GARNL3: variants seen among roughly 807,000 people sequenced by gnomAD.
The protein encoded by GARNL3 is GTPase-activating Rap/Ran-GAP domain-like protein 3.
Under a neutral mutation model 125.0 loss-of-function variants are expected in GARNL3, and 63 were observed. That is an observed-to-expected ratio of 0.50 (90% CI 0.41 to 0.62). The LOEUF (loss-of-function observed/expected upper bound fraction) is 0.62, where lower values mean the gene tolerates loss of function less well. Ranked by LOEUF, GARNL3 falls within the 20% of genes least tolerant of loss-of-function variation. The pLI is 0.00. For missense variants in GARNL3, 994 were observed against 1,244.0 expected (o/e 0.80, Z 3.02); for synonymous variants, 439 against 457.5 (o/e 0.96, Z 0.52).
chr9:127,330,215 G>A (rs550639425), intron 7 of GARNL3, among the ~76,000 whole-genome samples: 2 of 152,358 alleles, frequency 1.3e-5, no homozygotes, highest in African/African-American at 4.8e-5. Flanking sequence ...ATTATTCTAA[G>A]AGGATCATAT....
At chr9:127,352,513 A>G (rs1421053320) in intron 17 of GARNL3, among the ~76,000 whole-genome samples, 1 of 152,226 alleles carries the variant, frequency 6.6e-6, no homozygotes, top group Admixed American at 6.5e-5. Flanking sequence ...GCGGAAGTAC[A>G]AAGACCCTGA....
chr9:127,225,826 C>G (rs1388684831), intron 1 of GARNL3, among the ~76,000 whole-genome samples: 4 of 151,144 alleles, frequency 2.6e-5, no homozygotes, highest in Non-Finnish European at 5.9e-5. Flanking sequence ...GCGCCCCTTG[C>G]GCCCCTCGCG....
Position 127,391,552 on chromosome 9 carries a change from A to ATATATATATATG in GARNL3, c.2870+785_2870+786insTATATATATATG, listed in dbSNP as rs1292380673. 1.3e-4 allele frequency among the ~76,000 whole-genome samples: 17 copies of ATATATATATATG among 129,008 alleles called. 1 individual carries two copies. Among genetic ancestry groups the ATATATATATATG allele is most frequent in the African/African-American group, 4.9e-4 (17 of 34,976 alleles). The allele number at this position is 129,008 out of a possible 152,430, so 84.6% of individuals were successfully genotyped here. A position where few individuals can be genotyped will look rare whatever the true frequency, so the allele number is the denominator to read the frequency against. On this transcript the variant is annotated intron_variant, in intron 27 of 27. Coordinates refer to ENST00000373387, the MANE Select transcript of GARNL3 (RefSeq NM_032293.5). ...AAAAAAAATATATATATATATATAT[A>ATATATATATATG]GGCTGGGTCTGGTGGCATGAGCCTG...
chr9:127,312,075 T>C (rs2065113016), intron 3 of GARNL3, among the ~76,000 whole-genome samples: 1 of 152,210 alleles, frequency 6.6e-6, no homozygotes, highest in Non-Finnish European at 1.5e-5. Context: ...CCTGTCTATA[T>C]TGGGTTTTGA....
rs1230616328 is a variant in GARNL3, at chr9:127,393,213, C to T, written c.3001C>T (p.Leu1001Phe). ...GGTCTCCGGCAGCAGCCCCTTCCAG[C>T]TCACGGCTTTCTCCGATGAAGACAT... The part of the protein sequence containing the change: ...SPVSGSSPFQ[L>F]TAFSDEDIID... Residue 1001 changes from leucine to phenylalanine, a missense_variant, in exon 28 of 28, where the codon CTC (leucine) becomes TTC (phenylalanine). Around this residue, in one of 5 missense-constraint regions of GARNL3, gnomAD observed 728 missense variants for 865.7 expected, o/e 0.84. Transcript: ENST00000373387. 19 of 1,613,642 alleles carry T rather than the reference C, an allele frequency of 1.2e-5. No homozygotes were observed. The highest frequency in any genetic ancestry group is 1.6e-5 in the Non-Finnish European group (19 of 1,179,522).
rs142486073 is a variant in GARNL3, at chr9:127,316,542, G to A, written c.439-1521G>A. 2.4e-4 allele frequency among the ~76,000 whole-genome samples: 37 copies of A among 152,292 alleles called. No homozygotes were observed. The East Asian group carries it at 6.9e-3, about 29-fold the overall frequency. ...AAAGCAAAGCCACAGAAGAACTCGG[G>A]TTTCAATGGGAAGGACCTGTAGAAT... On this transcript the variant is annotated intron_variant, in intron 4 of 27. Transcript: ENST00000373387.
At chr9:127,256,174 G>A (rs1255895442) in intron 2 of GARNL3, among the ~76,000 whole-genome samples, 1 of 152,146 alleles carries the variant, frequency 6.6e-6, no homozygotes, top group African/African-American at 2.4e-5. Flanking sequence ...ATTATACTCT[G>A]GGCTGGAAAA....
At position 127,242,070 on chromosome 9, in the gene GARNL3, G is replaced by T. The variant is rs1374317135; in HGVS notation, c.-28-1009G>T. ...CTGATTCCAAAGCCCCAACTTGTGT[G>T]GAGTCGCTTTTCTTGGTCTCCAGCC... On this transcript the variant is annotated intron_variant, in intron 1 of 10. Coordinates refer to the GARNL3 transcript ENST00000439286. The surrounding 1 kb of genome is among the most constrained non-coding windows in gnomAD (Gnocchi z 4.6). Among the ~76,000 whole-genome samples the T allele has an allele frequency of 6.6e-6, 1 of 152,048 alleles. No homozygotes were observed. Among genetic ancestry groups the T allele is most frequent in the Non-Finnish European group, 1.5e-5 (1 of 68,018 alleles).
intron 1 of GARNL3, among the ~76,000 whole-genome samples, chr9:127,239,550 TTTA>T (rs2063168602): frequency 2.0e-5 from 3 of 152,242 alleles, no homozygotes; most frequent in Non-Finnish European, 2.9e-5. Flanking sequence ...ATAAGTTGTC[TTTA>T]TATATTGAGC....
At chr9:127,317,932 T>C in intron 4 of GARNL3, 131 bp from the exon 5 acceptor site, 1 of 726,340 alleles carries the variant, frequency 1.4e-6, no homozygotes, top group East Asian at 2.5e-5. Context: ...AGAATGTGTT[T>C]ATTCATATAC....
intron 18 of GARNL3, 95 bp from the exon 19 acceptor site, chr9:127,354,199 A>G (rs1830560774): frequency 1.1e-6 from 1 of 895,612 alleles, no homozygotes; most frequent in African/African-American, 1.7e-5. Context: ...GAACACCTCC[A>G]ATCCTAGTTT....
intron 3 of GARNL3, 128 bp downstream of exon 3, chr9:127,311,863 C>T (rs562389326): frequency 3.2e-6 from 2 of 626,568 alleles, no homozygotes; most frequent in South Asian, 3.7e-5. Context: ...GGGCATTTCA[C>T]TTCAAGGTCA....
chr9:127,267,628 G>A (rs540202894), intron 1 of GARNL3, among the ~76,000 whole-genome samples: 3 of 152,254 alleles, frequency 2.0e-5, no homozygotes, highest in Non-Finnish European at 2.9e-5. Flanking sequence ...GCAGAGCTCC[G>A]TTCTTATTAT....
chr9:127,268,577 A>C (rs2063752509), intron 1 of GARNL3, among the ~76,000 whole-genome samples: 1 of 152,202 alleles, frequency 6.6e-6, no homozygotes, highest in South Asian at 2.1e-4. Context: ...ACAGAACATA[A>C]ACTTTGCCAT....
intron 1 of GARNL3, among the ~76,000 whole-genome samples, chr9:127,278,367 T>C (rs1374215969): frequency 6.6e-6 from 1 of 152,242 alleles, no homozygotes; most frequent in Non-Finnish European, 1.5e-5. Flanking sequence ...CTTCATCTCC[T>C]TATATGCAAA....
intron 17 of GARNL3, 198 bp from the exon 18 acceptor site, chr9:127,353,648 A>G: frequency 1.7e-6 from 1 of 580,542 alleles, no homozygotes; most frequent in African/African-American, 1.9e-5. Flanking sequence ...TATGGGAAGA[A>G]AGCATCAGTA....
intron 2 of GARNL3, among the ~76,000 whole-genome samples, chr9:127,308,657 A>C (rs936474674): frequency 5.9e-5 from 9 of 152,264 alleles, no homozygotes; most frequent in African/African-American, 2.2e-4. Context: ...ATGATCCTGT[A>C]CTGAAGAGAG....
intron 2 of GARNL3, among the ~76,000 whole-genome samples, chr9:127,309,536 A>G (rs965715235): frequency 6.6e-6 from 1 of 152,194 alleles, no homozygotes; most frequent in African/African-American, 2.4e-5. Context: ...AAGCCTATAG[A>G]TCTATCACAC....
chr9:127,285,523 A>G (rs926572935), intron 1 of GARNL3, among the ~76,000 whole-genome samples: 2 of 152,220 alleles, frequency 1.3e-5, no homozygotes, highest in Non-Finnish European at 2.9e-5. Context: ...TGTCTATTAA[A>G]TCATGTTTAT....
Sources: gnomAD v4.1 joint callset for allele counts (sites outside exome capture counted in the v4.1 genomes callset) on GRCh38, gnomAD v4.1.1 for gene constraint, gnomAD v4.1.1 regional missense constraint, Gnocchi (gnomAD v3.1) non-coding constraint, MANE v1.5 for transcripts, NCBI Gene and HGNC (gene_info 2026-07-23, HGNC 2026-07-21) for gene names.